TMEM132D: variants seen among roughly 807,000 people sequenced by gnomAD.
TMEM132D encodes the protein transmembrane protein 132D.
In TMEM132D, 21 loss-of-function variants were observed where a neutral mutation model predicts 62.3. The ratio of observed to expected loss-of-function variants is 0.34; its 90% CI spans 0.24 to 0.49. The LOEUF is 0.49. TMEM132D is among the 20% of genes least tolerant of loss of function. The pLI, the probability that TMEM132D is intolerant of heterozygous loss-of-function variation, is 0.99. For missense variants in TMEM132D, 1,346 were observed against 1,402.8 expected, an observed-to-expected ratio of 0.96 and a Z score of 0.65; for synonymous variants, 621 against 575.6, an observed-to-expected ratio of 1.08 and a Z score of -1.13.
chr12:129,362,172 C>T (rs981772721), intron 3 of TMEM132D, among the ~76,000 whole-genome samples: 1 of 152,130 alleles, frequency 6.6e-6, no homozygotes. Flanking sequence ...TTCTAAAGAT[C>T]GGTTCCCAAT....
At chr12:129,738,403 A>G (rs1286983184) in intron 1 of TMEM132D, among the ~76,000 whole-genome samples, 1 of 152,218 alleles carries the variant, frequency 6.6e-6, no homozygotes, top group Non-Finnish European at 1.5e-5. Context: ...AGAAAAGGAA[A>G]AAAGGAAGAA....
At chr12:129,425,712 TG>T (rs1371404547) in intron 3 of TMEM132D, among the ~76,000 whole-genome samples, 2 of 152,206 alleles carry the variant, frequency 1.3e-5, no homozygotes, top group African/African-American at 4.8e-5. Context: ...TATTTGCAGC[TG>T]ACATTTATTG....
intron 1 of TMEM132D, among the ~76,000 whole-genome samples, chr12:129,880,940 G>A (rs1341455925): frequency 2.0e-5 from 3 of 152,052 alleles, no homozygotes; most frequent in African/African-American, 7.2e-5. Context: ...TTGTCAGAAT[G>A]AGTATAAAGT....
At chr12:129,079,563 T>A (rs1260669097) in intron 7 of TMEM132D, among the ~76,000 whole-genome samples, 1 of 152,188 alleles carries the variant, frequency 6.6e-6, no homozygotes, top group African/African-American at 2.4e-5. Flanking sequence ...TATAACAACC[T>A]TCCTTCTAGA....
At chr12:129,471,753 A>G (rs1424536698) in intron 3 of TMEM132D, among the ~76,000 whole-genome samples, 2 of 152,256 alleles carry the variant, frequency 1.3e-5, no homozygotes, top group Non-Finnish European at 2.9e-5. Context: ...GAAGGAAACT[A>G]AAAGTGCCAC....
chr12:129,450,337 G>A (rs1873235184), intron 3 of TMEM132D, among the ~76,000 whole-genome samples: 1 of 152,132 alleles, frequency 6.6e-6, no homozygotes, highest in Admixed American at 6.6e-5. Context: ...ATAGTTTTGG[G>A]TTTTACATTT....
intron 1 of TMEM132D, among the ~76,000 whole-genome samples, chr12:129,816,542 AAC>A (rs1312384442): frequency 6.6e-6 from 1 of 152,228 alleles, no homozygotes; most frequent in East Asian, 1.9e-4. Context: ...AGTAAAATAA[AAC>A]ACACAGAGAC....
intron 3 of TMEM132D, among the ~76,000 whole-genome samples, chr12:129,517,792 A>G (rs2137078625): frequency 6.6e-6 from 1 of 152,320 alleles, no homozygotes; most frequent in East Asian, 1.9e-4. Context: ...GTAGTTTTCT[A>G]TGTGGCAGGC....
intron 4 of TMEM132D, among the ~76,000 whole-genome samples, chr12:129,304,348 C>G (rs776703474): frequency 1.3e-5 from 2 of 151,944 alleles, no homozygotes; most frequent in Non-Finnish European, 2.9e-5. Context: ...TCCTACAATA[C>G]CATGCAAAGG....
intron 1 of TMEM132D, among the ~76,000 whole-genome samples, chr12:129,791,766 T>G (rs1871405776): frequency 6.6e-6 from 1 of 152,076 alleles, no homozygotes; most frequent in African/African-American, 2.4e-5. Flanking sequence ...CAGCTTTGAG[T>G]TTGTTAGCTA....
rs188046233 is a variant in TMEM132D, at chr12:129,093,602, A to G, written c.1444-8900T>C. Among the ~76,000 whole-genome samples the G allele has an allele frequency of 1.9e-3, 296 of 152,322 alleles. 3 individuals are homozygous for G. Among genetic ancestry groups the G allele is most frequent in the African/African-American group, 6.8e-3 (284 of 41,564 alleles). On this transcript the variant is annotated intron_variant, in intron 5 of 8. Coordinates refer to ENST00000422113, the MANE Select transcript of TMEM132D (RefSeq NM_133448.3). ...AAGAATCAATATCGTGAAAATGGCC[A>G]TACTGCCCAAGGTCATTTATAGATT...
chr12:129,721,685 G>A (rs756261432), intron 1 of TMEM132D, among the ~76,000 whole-genome samples: 5 of 152,186 alleles, frequency 3.3e-5, no homozygotes, highest in East Asian at 1.9e-4. Context: ...AGGGGCATGG[G>A]AGGCAGACAA....
chr12:129,148,674 C>T (rs567439888), intron 5 of TMEM132D, among the ~76,000 whole-genome samples: 2 of 152,194 alleles, frequency 1.3e-5, no homozygotes, highest in African/African-American at 4.8e-5. Flanking sequence ...AAAAAGCCAG[C>T]CTGTGTGTGG....
chr12:129,796,820 T>C (rs1402223087), intron 1 of TMEM132D, among the ~76,000 whole-genome samples: 3 of 152,100 alleles, frequency 2.0e-5, no homozygotes, highest in Non-Finnish European at 4.4e-5. Context: ...ATGGCACGTG[T>C]ATACCTATGT....
chr12:129,668,568 C>T (rs1003031198), intron 2 of TMEM132D, among the ~76,000 whole-genome samples: 1 of 151,990 alleles, frequency 6.6e-6, no homozygotes, highest in East Asian at 2.0e-4. Context: ...CACTGCTAAA[C>T]CTTTTGTTTT....
intron 4 of TMEM132D, among the ~76,000 whole-genome samples, chr12:129,253,363 T>C (rs1880320116): frequency 6.6e-6 from 1 of 152,058 alleles, no homozygotes; most frequent in South Asian, 2.1e-4. Context: ...ACTTGAGGAC[T>C]AGATGTGCGC....
intron 3 of TMEM132D, among the ~76,000 whole-genome samples, chr12:129,454,518 G>A (rs929130095): frequency 6.6e-6 from 1 of 152,110 alleles, no homozygotes; most frequent in African/African-American, 2.4e-5. Context: ...CTGTCAGATG[G>A]TTAAGCTAAG....
In TMEM132D at chr12:129,801,275, C is replaced by T. The variant is rs536468453; in HGVS notation, c.80-100577G>A. ...TCCACCTCTGGGGGCAGGGCACAGA[C>T]AAATAAAAAGACAACAGTCTGACAG... On this transcript the variant is annotated intron_variant, in intron 1 of 8. Transcript: ENST00000422113. Among the ~76,000 whole-genome samples, 8 of 152,254 alleles carry T rather than the reference C, an allele frequency of 5.3e-5. No homozygotes were observed. The East Asian group carries it at 1.4e-3, about 26-fold the overall frequency.
chr12:129,100,185 C>T (rs1436984217), intron 5 of TMEM132D, among the ~76,000 whole-genome samples: 1 of 152,142 alleles, frequency 6.6e-6, no homozygotes, highest in Non-Finnish European at 1.5e-5. Context: ...GAATTGCAGG[C>T]ACCTACCACC....
Sources: allele counts gnomAD v4.1 joint callset (sites outside exome capture counted in the v4.1 genomes callset), GRCh38; gene constraint gnomAD v4.1.1; transcripts MANE v1.5; gene names NCBI Gene and HGNC (gene_info 2026-07-23, HGNC 2026-07-21).